Variants in CALHM3 observed in about 807,000 individuals in gnomAD.
CALHM3 encodes the protein calcium homeostasis modulator protein 3.
In CALHM3, 9 loss-of-function variants were observed where a neutral mutation model predicts 13.6. The ratio of observed to expected loss-of-function variants is 0.66; its 90% CI spans 0.40 to 1.15. The LOEUF (loss-of-function observed/expected upper bound fraction) is 1.15. CALHM3 is among the 50% of genes most tolerant of loss of function. The pLI, the probability that CALHM3 is intolerant of heterozygous loss-of-function variation, is 0.01. For missense variants in CALHM3, 497 were observed against 463.4 expected (o/e 1.07, Z -0.67); for synonymous variants, 231 against 213.2 (o/e 1.08, Z -0.73).
At chr10:103,475,318 G>T (rs1243370046) in intron 2 of CALHM3, among the ~76,000 whole-genome samples, 1 of 152,186 alleles carries the variant, frequency 6.6e-6, no homozygotes, top group Non-Finnish European at 1.5e-5. Context: ...AACATCACCA[G>T]ATTTAAGGTG....
Position 103,476,342 on chromosome 10 carries a change from A to G in CALHM3, c.495T>C (p.Asp165=), listed in dbSNP as rs780051327. ...VPCKEDELVR[D]SPARKAVSRY... ...GAGACACTGCCTTCCGAGCAGGGCT[A>G]TCCCTGACCAGCTCATCCTCCTTGC... Residue 165 remains aspartate, a synonymous_variant, in exon 2 of 3, where the codon GAT becomes GAC. Transcript: ENST00000369783. 111 of 1,551,586 alleles carry G rather than the reference A, an allele frequency of 7.2e-5. No homozygotes were observed. Among genetic ancestry groups the G allele is most frequent in the Non-Finnish European group, 8.5e-5 (98 of 1,147,012 alleles).
At chr10:103,475,900 A>G (rs1392307207) in intron 2 of CALHM3, among the ~76,000 whole-genome samples, 1 of 152,138 alleles carries the variant, frequency 6.6e-6, no homozygotes, top group East Asian at 1.9e-4. Flanking sequence ...GTTAAGAGGA[A>G]TAATGACACT....
intron 2 of CALHM3, among the ~76,000 whole-genome samples, chr10:103,474,766 T>C (rs2033370451): frequency 6.6e-6 from 1 of 152,154 alleles, no homozygotes; most frequent in African/African-American, 2.4e-5. Flanking sequence ...CCCTCATCTT[T>C]TTATCCAGTC....
chr10:103,477,361 A>G (rs978758905), intron 1 of CALHM3, among the ~76,000 whole-genome samples: 9 of 152,188 alleles, frequency 5.9e-5, no homozygotes, highest in South Asian at 4.1e-4. Context: ...GGACACACCC[A>G]GTGCCTGTGA....
At chr10:103,478,212 C>G (rs891906612) in intron 1 of CALHM3, among the ~76,000 whole-genome samples, 6 of 152,164 alleles carry the variant, frequency 3.9e-5, no homozygotes, top group Non-Finnish European at 1.5e-5. Context: ...TCAGTTCATC[C>G]CTTTTTTAAT....
intron 2 of CALHM3, among the ~76,000 whole-genome samples, chr10:103,473,943 G>A (rs1198902955): frequency 2.6e-5 from 4 of 152,122 alleles, no homozygotes; most frequent in African/African-American, 9.7e-5. Flanking sequence ...AAAATAAATT[G>A]AGAAGAATGA....
chr10:103,479,102 T>C lies in CALHM3; in HGVS notation c.-70A>G. 6.8e-7 allele frequency: 1 copy of C among 1,470,388 alleles called. No individual in the cohort carries two copies. Among genetic ancestry groups the C allele is most frequent in the Non-Finnish European group, 9.1e-7 (1 of 1,095,576 alleles). 91.1% of individuals were successfully genotyped at this position (1,470,388 alleles called of 1,614,324 possible). The stretch of plus-strand genomic sequence containing the variant: ...AGGCTCTGGCCACCTTCCTGGTGTC[T>C]GCTGTGCTGGGGACGAGCCTGGGAT... On this transcript the variant is annotated 5_prime_UTR_variant, in exon 1 of 3. Transcript: ENST00000369783.
Position 103,473,695 on chromosome 10 carries a change from A to G in CALHM3, c.553T>C (p.Trp185Arg), listed in dbSNP as rs949239252. 7 of 1,546,964 alleles carry G rather than the reference A, an allele frequency of 4.5e-6. No homozygotes were observed. Among genetic ancestry groups the G allele is most frequent in the East Asian group, 2.4e-5 (1 of 40,898 alleles). ...YLRCLSQAIG[W>R]SVTLLLIIAA... is the part of the protein sequence containing the mutation. The stretch of plus-strand genomic sequence containing the variant: ...ATGATCAGCAGCAGGGTGACGCTCC[A>G]GCCGATGGCCTGCAAAGTAAGGAGG... The change falls in exon 3 of 3, where the codon TGG (tryptophan) becomes CGG (arginine). Residue 185 changes from tryptophan to arginine, a missense_variant. By Grantham distance (101) the Trp-to-Arg change is moderately radical. Transcript: ENST00000369783.
At position 103,478,818 on chromosome 10, in the gene CALHM3, C is replaced by T. The variant is rs375895675; in HGVS notation, c.215G>A (p.Arg72Gln). ...CTCCTCGACCATCACCACAGACTGC[C>T]GGTTGGCGAGGAGGCCGCAGAGAAA... is the stretch of plus-strand genomic sequence containing the variant. ...ALFLCGLLAN[R>Q]QSVVMVEEWR... is the part of the protein sequence containing the mutation. The change falls in exon 1 of 3, where the codon CGG becomes CAG. Residue 72 changes from arginine (R) to glutamine (Q), a missense_variant. Physicochemically the swap from Arg to Gln is conservative, Grantham distance 43. Coordinates refer to ENST00000369783, the MANE Select transcript of CALHM3 (RefSeq NM_001129742.2). 1.9e-5 allele frequency: 30 copies of T among 1,551,370 alleles called. No homozygotes were observed. In the East Asian group the frequency reaches 2.2e-4, roughly 11 times the overall value.
Position 103,473,081 on chromosome 10 carries a change from G to T in CALHM3, c.*132C>A. On this transcript the variant is annotated 3_prime_UTR_variant, in exon 3 of 3. Transcript: ENST00000369783. ...CACCCAGAAACTAGGCAGAGATTGG[G>T]CTACTTTAAAAAGGAGGCTAACAAG... The T allele has an allele frequency of 1.0e-6, 1 of 988,526 alleles. No homozygotes were observed. The highest frequency in any genetic ancestry group is 1.3e-6 in the Non-Finnish European group (1 of 758,468). The allele number at this position is 988,526 out of a possible 1,614,324, so 61.2% of individuals were successfully genotyped here.
chr10:103,478,850 G>A lies in CALHM3; in HGVS notation c.183C>T (p.Leu61=), dbSNP rs1025895523. 12 of 1,551,580 alleles carry A rather than the reference G, an allele frequency of 7.7e-6. No homozygotes were observed. The highest frequency in any genetic ancestry group is 6.8e-5 in the African/African-American group (5 of 73,074). ...YGLGLLLTPP[L]ALFLCGLLAN... ...CGAGGAGGCCGCAGAGAAACAGGGC[G>A]AGCGGGGGCGTCAGCAGCAGGCCCA... is the stretch of plus-strand genomic sequence containing the variant. The change falls in exon 1 of 3, where the codon CTC becomes CTT. Residue 61 remains leucine, a synonymous_variant. Coordinates refer to ENST00000369783, the MANE Select transcript of CALHM3 (RefSeq NM_001129742.2).
chr10:103,476,632 A>T (rs1047873336), intron 1 of CALHM3, 83 bp from the exon 2 acceptor site: 1 of 1,489,140 alleles, frequency 6.7e-7, no homozygotes, highest in African/African-American at 1.4e-5. Context: ...ACTGCTGGGA[A>T]GTCCCAGGCT....
At position 103,478,798 on chromosome 10, in the gene CALHM3, C is replaced by A. The variant is rs777306589; in HGVS notation, c.235G>T (p.Glu79Ter). The A allele has an allele frequency of 6.4e-7, 1 of 1,550,588 alleles. No homozygotes were observed. The highest frequency in any genetic ancestry group is 8.7e-7 in the Non-Finnish European group (1 of 1,146,626). ...LANRQSVVMV[E>*]EWRRPAGHRR... Reference sequence around the variant, plus strand: ...TGCCCTGCGGGCCGGCGCCACTCCTCGACCATCACCACAGACTGCCGGTTG... The same window carrying A: ...TGCCCTGCGGGCCGGCGCCACTCCTAGACCATCACCACAGACTGCCGGTTG... The change falls in exon 1 of 3, where the codon GAG becomes TAG. Residue 79 changes from glutamate to a stop codon, truncating the protein, a stop_gained. Coordinates refer to ENST00000369783, the MANE Select transcript of CALHM3 (RefSeq NM_001129742.2). LOFTEE classifies it high-confidence loss of function.
At chr10:103,474,106 C>G (rs1043914196) in intron 2 of CALHM3, among the ~76,000 whole-genome samples, 1 of 152,176 alleles carries the variant, frequency 6.6e-6, no homozygotes, top group Non-Finnish European at 1.5e-5. Flanking sequence ...TTTTACATTT[C>G]CCATCCATCC....
chr10:103,475,736 G>T (rs1426164895), intron 2 of CALHM3, among the ~76,000 whole-genome samples: 1 of 152,190 alleles, frequency 6.6e-6, no homozygotes, highest in African/African-American at 2.4e-5. Flanking sequence ...ATACTTTTTG[G>T]TGGACACAAC....
intron 2 of CALHM3, among the ~76,000 whole-genome samples, chr10:103,475,304 C>A (rs1422454917): frequency 1.3e-5 from 2 of 152,182 alleles, no homozygotes; most frequent in Non-Finnish European, 2.9e-5. Flanking sequence ...CACAGGACTC[C>A]CCCAACATCA....
Position 103,476,327 on chromosome 10 carries a change from C to A in CALHM3, c.510G>T (p.Lys170Asn), listed in dbSNP as rs867561113. ...DELVRDSPAR[K>N]AVSRYLRCLS... ...GGCACCGCAGGTAGCGAGACACTGC[C>A]TTCCGAGCAGGGCTATCCCTGACCA... The change falls in exon 2 of 3, where the codon AAG (lysine) becomes AAT (asparagine). Residue 170 changes from lysine (K) to asparagine (N), a missense_variant. Physicochemically the swap from Lys to Asn is moderately conservative, Grantham distance 94. Coordinates refer to ENST00000369783, the MANE Select transcript of CALHM3 (RefSeq NM_001129742.2). 3.1e-5 allele frequency: 48 copies of A among 1,551,500 alleles called. No individual in the cohort carries two copies. Among genetic ancestry groups the A allele is most frequent in the Middle Eastern group, 1.7e-4 (1 of 6,014 alleles).
rs189405481 is a variant in CALHM3 at position 103,476,308 on chromosome 10, G to A, written c.529C>T (p.Arg177Trp). Residue 177 changes from arginine to tryptophan, a missense_variant, in exon 2 of 3, where the codon CGG becomes TGG. Physicochemically the swap from Arg to Trp is moderately radical, Grantham distance 101 (BLOSUM62 -3). Coordinates refer to ENST00000369783, the MANE Select transcript of CALHM3 (RefSeq NM_001129742.2). ...PARKAVSRYL[R>W]CLSQAIGWSV... ...ACCCCAGTTACCTGTGACAGGCACC[G>A]CAGGTAGCGAGACACTGCCTTCCGA... 525 of 1,551,390 alleles carry A rather than the reference G, an allele frequency of 3.4e-4. 7 individuals carry two copies. The East Asian group carries it at 0.013, about 37-fold the overall frequency.
At position 103,473,058 on chromosome 10, in the gene CALHM3, C is replaced by T; in HGVS notation, c.*155G>A. 1.2e-6 allele frequency: 1 copy of T among 819,326 alleles called. No individual in the cohort carries two copies. The highest frequency in any genetic ancestry group is 1.6e-6 in the Non-Finnish European group (1 of 606,126). 50.8% of individuals were successfully genotyped at this position (819,326 alleles called of 1,614,324 possible). A position where few individuals can be genotyped will look rare whatever the true frequency, so the allele number is the denominator to read the frequency against. The stretch of plus-strand genomic sequence containing the variant: ...TTTGTGAAGCGCGCTGGAGGCCACA[C>T]CCAGAAACTAGGCAGAGATTGGGCT... On this transcript the variant is annotated 3_prime_UTR_variant, in exon 3 of 3. Transcript: ENST00000369783.
Sources: gnomAD v4.1 joint callset for allele counts (sites outside exome capture counted in the v4.1 genomes callset) on GRCh38, gnomAD v4.1.1 for gene constraint, MANE v1.5 for transcripts, NCBI Gene and HGNC (gene_info 2026-07-23, HGNC 2026-07-21) for gene names.